TNS1: variants seen among roughly 807,000 people sequenced by gnomAD.
The protein encoded by TNS1 is tensin 1.
In TNS1, 62 loss-of-function variants were observed where a neutral mutation model predicts 168.6. The ratio of observed to expected loss-of-function variants is 0.37; its 90% confidence interval spans 0.30 to 0.45. The LOEUF (loss-of-function observed/expected upper bound fraction) is 0.45, where lower values mean the gene tolerates loss of function less well. Ranked by LOEUF, TNS1 falls within the 20% of genes least tolerant of loss-of-function variation. TNS1 has a pLI of 1.00. For synonymous variants in TNS1, 934 were observed against 933.2 expected (o/e 1.00, Z -0.02); for missense variants, 2,240 against 2,339.4 (o/e 0.96, Z 0.88).
At chr2:217,916,561 G>A (rs564238304) in intron 4 of TNS1, among the ~76,000 whole-genome samples, 20 of 152,338 alleles carry the variant, frequency 1.3e-4, no homozygotes, top group Middle Eastern at 3.4e-3. Context: ...AGTGTCCGTG[G>A]CAAACAAGCC....
chr2:217,818,510 G>T lies in TNS1; in HGVS notation c.3822C>A (p.Gly1274=), dbSNP rs146394470. ...GAGGGCTCCCAGGCACCGTGTGGAC[G>T]CCAGCCACACTGAACTGAGCTCGAG... The part of the protein sequence containing the change: ...SQARAQFSVA[G]VHTVPGSPQA... The change falls in exon 24 of 33, where the codon GGC becomes GGA. Residue 1274 remains glycine (G), a synonymous_variant. Coordinates refer to ENST00000682258, the MANE Select transcript of TNS1 (RefSeq NM_001387777.1). The T allele has an allele frequency of 6.2e-7, 1 of 1,613,740 alleles. No individual in the cohort carries two copies.
At chr2:218,007,821 A>G (rs1958673711), upstream of TNS1, among the ~76,000 whole-genome samples, 2 of 152,116 alleles carry the variant, frequency 1.3e-5, no homozygotes, top group South Asian at 4.1e-4. Context: ...GACCTCTAGC[A>G]GAGGGTGCAT....
At chr2:217,910,958 A>T (rs1249697008) in intron 4 of TNS1, among the ~76,000 whole-genome samples, 1 of 151,940 alleles carries the variant, frequency 6.6e-6, no homozygotes, top group Non-Finnish European at 1.5e-5. Flanking sequence ...GGCTCATCTC[A>T]CTGCCCTCAC....
intron 18 of TNS1, among the ~76,000 whole-genome samples, chr2:217,877,072 A>G (rs1950263478): frequency 6.6e-6 from 1 of 152,188 alleles, no homozygotes; most frequent in Admixed American, 6.5e-5. Flanking sequence ...AACTTCGTCC[A>G]GTCCGAGGGT....
rs61746994 is a variant in TNS1 at position 217,847,567 on chromosome 2, G to A, written c.2950C>T (p.Arg984Trp). Residue 984 changes from arginine (R) to tryptophan (W), a missense_variant, in exon 19 of 33, where the codon CGG becomes TGG. Arg to Trp is a moderately radical substitution (Grantham distance 101, BLOSUM62 -3). This residue lies in a region of TNS1 where 2,131 missense variants were observed against 2,171.2 expected (regional missense o/e 0.98). Coordinates refer to ENST00000682258, the MANE Select transcript of TNS1 (RefSeq NM_001387777.1). ...TTCAATGGCTCCTCCTCTGGAGTCC[G>A]GGAGGGGTCTGAAGTCGCTTCCTTT... The part of the protein sequence containing the change: ...SPKEATSDPS[R>W]TPEEEPLNLE... 20,426 of 1,496,544 alleles carry A rather than the reference G, an allele frequency of 0.014. 563 individuals carry two copies. Among genetic ancestry groups the A allele is most frequent in the African/African-American group, 0.11 (7,730 of 72,068 alleles). 92.7% of individuals were successfully genotyped at this position (1,496,544 alleles called of 1,614,324 possible).
intron 3 of TNS1, among the ~76,000 whole-genome samples, chr2:217,928,513 C>G (rs143639311): frequency 6.6e-6 from 1 of 152,218 alleles, no homozygotes; most frequent in African/African-American, 2.4e-5. Context: ...CTGTTCCCAG[C>G]AACACCAAGC....
intron 24 of TNS1, 46 bp from the exon 25 acceptor site, chr2:217,815,044 C>T: frequency 2.0e-6 from 3 of 1,485,338 alleles, no homozygotes; most frequent in Non-Finnish European, 2.8e-6. Flanking sequence ...AAATTGTGTT[C>T]ACCCAAAACA....
intron 2 of TNS1, 192 bp from the exon 3 acceptor site, chr2:217,978,994 T>G: frequency 9.0e-5 from 39 of 432,240 alleles, no homozygotes; most frequent in East Asian, 2.7e-4. Context: ...GGGGCGGGAG[T>G]GCCCGGGACT....
intron 25 of TNS1, 40 bp downstream of exon 25, chr2:217,814,872 C>A (rs1309752859): frequency 6.4e-7 from 1 of 1,559,398 alleles, no homozygotes. Context: ...AGGCCTCAGC[C>A]AGCTATGGCC....
At chr2:217,882,440 A>T (rs756127573) in intron 16 of TNS1, 29 bp from the exon 17 acceptor site, 4 of 1,538,260 alleles carry the variant, frequency 2.6e-6, no homozygotes, top group Non-Finnish European at 3.5e-6. Context: ...AAATAAAAAT[A>T]GGCAAAAAGT....
chr2:217,802,617 G>C lies in TNS1; in HGVS notation c.*1842C>G, dbSNP rs925779019. The C allele has an allele frequency of 1.3e-5, 2 of 152,384 alleles. No individual in the cohort carries two copies. The highest frequency in any genetic ancestry group is 2.9e-5 in the Non-Finnish European group (2 of 68,042). 9.4% of individuals were successfully genotyped at this position (152,384 alleles called of 1,614,324 possible). ...CTGAGCCCCACACAGTCTAGGGAAG[G>C]CCAAGGCCAGGGCAAGGAGACCCTG... On this transcript the variant is annotated 3_prime_UTR_variant, in exon 33 of 33. Transcript: ENST00000682258.
chr2:217,895,181 G>A, intron 8 of TNS1, 125 bp from the exon 9 acceptor site: 2 of 911,424 alleles, frequency 2.2e-6, no homozygotes. Context: ...CCTCTGAAGA[G>A]CCCACGACAG....
At position 217,918,366 on chromosome 2, in the gene TNS1, C is replaced by T. The variant is rs113433984; in HGVS notation, c.228+1829G>A. ...ACCGCTGGGGAGGCGGGTTGTGACT[C>T]AGGCAGGGGAGCCTCTGGGAGCACC... is the stretch of plus-strand genomic sequence containing the variant. On this transcript the variant is annotated intron_variant, in intron 4 of 32. Coordinates refer to ENST00000682258, the MANE Select transcript of TNS1 (RefSeq NM_001387777.1). 4.4e-3 allele frequency among the ~76,000 whole-genome samples: 675 copies of T among 152,310 alleles called. 6 individuals are homozygous for T. The highest frequency in any genetic ancestry group is 0.015 in the African/African-American group (625 of 41,568).
At chr2:217,805,510 C>CACACAT (rs1938519408) in intron 32 of TNS1, among the ~76,000 whole-genome samples, 1 of 71,684 alleles carries the variant, frequency 1.4e-5, no homozygotes, top group Non-Finnish European at 2.6e-5. Context: ...CACACCACCA[C>CACACAT]ACACACCACA....
intron 18 of TNS1, among the ~76,000 whole-genome samples, chr2:217,868,079 G>T (rs1039657705): frequency 6.6e-6 from 1 of 152,236 alleles, no homozygotes; most frequent in Non-Finnish European, 1.5e-5. Context: ...AACAGTGAGT[G>T]GCCGGTACAG....
At chr2:217,966,997 G>A (rs1404848464) in intron 3 of TNS1, among the ~76,000 whole-genome samples, 4 of 152,310 alleles carry the variant, frequency 2.6e-5, no homozygotes, top group Middle Eastern at 3.4e-3. Flanking sequence ...AGAGTGTCAC[G>A]TAGTCACCAT....
chr2:217,839,828 C>T (rs148294441), intron 19 of TNS1, among the ~76,000 whole-genome samples: 30 of 152,304 alleles, frequency 2.0e-4, no homozygotes, highest in Admixed American at 5.9e-4. Context: ...GCTGGGTGTC[C>T]GACAGCATGC....
chr2:217,995,132 G>A lies in TNS1; in HGVS notation c.34-4076C>T, dbSNP rs1958445040. 6.6e-6 allele frequency among the ~76,000 whole-genome samples: 1 copy of A among 152,156 alleles called. No homozygotes were observed. The highest frequency in any genetic ancestry group is 2.4e-5 in the African/African-American group (1 of 41,438). Reference sequence around the variant, plus strand: ...GAGACATCACTCCTCCAAGGAGGAGGCTGTGAAACTCTGGTAGGAGCGAGG... The same window carrying A: ...GAGACATCACTCCTCCAAGGAGGAGACTGTGAAACTCTGGTAGGAGCGAGG... On this transcript the variant is annotated intron_variant, in intron 1 of 32. Transcript: ENST00000682258. The surrounding 1 kb of genome is among the most constrained non-coding windows in gnomAD (Gnocchi z 4.1).
intron 6 of TNS1, chr2:217,901,723 G>T (rs1953003194): frequency 6.6e-6 from 1 of 152,238 alleles, no homozygotes; most frequent in Admixed American, 6.5e-5. Flanking sequence ...CAAGTCCCTG[G>T]GAAGTTGACG....
Sources: allele counts gnomAD v4.1 joint callset (sites outside exome capture counted in the v4.1 genomes callset), GRCh38; gene constraint gnomAD v4.1.1; regional missense constraint gnomAD v4.1.1; non-coding constraint Gnocchi (gnomAD v3.1); transcripts MANE v1.5; gene names NCBI Gene and HGNC (gene_info 2026-07-23, HGNC 2026-07-21).